Variants in TMPRSS9 observed in about 807,000 individuals in gnomAD.
TMPRSS9 encodes the protein transmembrane serine protease 9.
TMPRSS9 carries 113 observed loss-of-function variants against 111.4 expected under a neutral mutation model. That is an observed-to-expected ratio of 1.01 (90% confidence interval 0.87 to 1.19). TMPRSS9 has a LOEUF of 1.19. Ranked by LOEUF, TMPRSS9 falls within the 50% of genes most tolerant of loss-of-function variation. The pLI is 0.00. For synonymous variants in TMPRSS9, 805 were observed against 659.1 expected, an observed-to-expected ratio of 1.22 and a Z score of -3.39; for missense variants, 1,803 against 1,513.1, an observed-to-expected ratio of 1.19 and a Z score of -3.18.
intron 2 of TMPRSS9, among the ~76,000 whole-genome samples, chr19:2,398,394 G>A (rs763892143): frequency 5.1e-4 from 77 of 151,828 alleles, no homozygotes; most frequent in South Asian, 1.5e-3. Flanking sequence ...CAAGGCAGGT[G>A]GATCACAAGG....
intron 7 of TMPRSS9, 135 bp from the exon 9 acceptor site, chr19:2,408,221 T>G: frequency 4.4e-6 from 4 of 915,694 alleles, no homozygotes; most frequent in South Asian, 3.5e-5. Context: ...TCTGGCCTGA[T>G]TTTTATAAAT....
chr19:2,390,126 A>G (rs1056595313), intron 1 of TMPRSS9, among the ~76,000 whole-genome samples, 199 bp downstream of exon 2: 1 of 152,122 alleles, frequency 6.6e-6, no homozygotes, highest in African/African-American at 2.4e-5. Flanking sequence ...TTTCCCGACT[A>G]AAGAAGCTCC....
chr19:2,369,934 G>A (rs542334306), intron 1 of TMPRSS9, among the ~76,000 whole-genome samples: 3 of 152,180 alleles, frequency 2.0e-5, no homozygotes, highest in East Asian at 1.9e-4. Flanking sequence ...ATGCCCAAAT[G>A]CAGTGGCTCA....
intron 2 of TMPRSS9, among the ~76,000 whole-genome samples, chr19:2,397,759 A>G (rs1399461527): frequency 6.6e-6 from 1 of 151,624 alleles, no homozygotes; most frequent in Non-Finnish European, 1.5e-5. Context: ...ACCATTAGTA[A>G]AAACACAAAA....
At chr19:2,394,345 C>T (rs956810488) in intron 1 of TMPRSS9, among the ~76,000 whole-genome samples, 2 of 151,996 alleles carry the variant, frequency 1.3e-5, no homozygotes, top group African/African-American at 2.4e-5. Flanking sequence ...AGTGATTGTG[C>T]CACTGCACTG....
At chr19:2,414,077 A>C in intron 10 of TMPRSS9, 59 bp downstream of exon 11, 1 of 1,441,464 alleles carries the variant, frequency 6.9e-7, no homozygotes, top group Non-Finnish European at 9.2e-7. Flanking sequence ...TTTAGGGAGA[A>C]CGGATATCGT....
intron 5 of TMPRSS9, among the ~76,000 whole-genome samples, chr19:2,402,383 G>A (rs972783813): frequency 3.3e-5 from 5 of 151,992 alleles, no homozygotes; most frequent in East Asian, 1.9e-4. Flanking sequence ...CAGAGGCTGC[G>A]GTGAGCTGAG....
chr19:2,409,368 T>C (rs960866155), intron 8 of TMPRSS9, among the ~76,000 whole-genome samples: 2 of 151,986 alleles, frequency 1.3e-5, no homozygotes, highest in Non-Finnish European at 2.9e-5. Flanking sequence ...GGTCTTGATC[T>C]CCTGACCTCG....
chr19:2,408,250 T>C (rs1200438873), intron 7 of TMPRSS9, 106 bp from the exon 9 acceptor site: 8 of 1,079,860 alleles, frequency 7.4e-6, no homozygotes, highest in East Asian at 2.5e-5. Flanking sequence ...TAAATATTAA[T>C]GTGGGGGGAT....
At chr19:2,392,643 T>C (rs1258328469) in intron 1 of TMPRSS9, among the ~76,000 whole-genome samples, 1 of 152,214 alleles carries the variant, frequency 6.6e-6, no homozygotes, top group Non-Finnish European at 1.5e-5. Context: ...GGATTGTATA[T>C]GCACCAGTGA....
At chr19:2,401,009 TTA>T (rs1970828661) in intron 4 of TMPRSS9, among the ~76,000 whole-genome samples, 1 of 147,696 alleles carries the variant, frequency 6.8e-6, no homozygotes, top group Non-Finnish European at 1.5e-5. Flanking sequence ...GCGCGGTGGC[TTA>T]CGCCTGTAAT....
At chr19:2,415,947 G>C (rs1971221855) in intron 11 of TMPRSS9, 106 bp downstream of exon 12, 1 of 1,330,432 alleles carries the variant, frequency 7.5e-7, no homozygotes, top group Admixed American at 2.8e-5. Context: ...CCACTGGGGA[G>C]CAGCCCTTCC....
upstream of TMPRSS9, among the ~76,000 whole-genome samples, chr19:2,387,230 C>T (rs7251760): frequency 0.066 from 10,103 of 152,064 alleles, 543 homozygotes; most frequent in East Asian, 0.28. Flanking sequence ...TGAGGTGGCT[C>T]ATGCCTGTAA....
At chr19:2,424,942 AGGGGCGGGGGCCGGGGGCGTG>A in intron 15 of TMPRSS9, 39 bp from the exon 17 acceptor site, 1 of 1,388,070 alleles carries the variant, frequency 7.2e-7, no homozygotes, top group Non-Finnish European at 9.3e-7. Context: ...GGGACACCAC[AGGGGCGGGGGCCGGGGGCGTG>A]GGGGCTCGGG....
chr19:2,405,556 A>G lies in TMPRSS9; in HGVS notation c.842+11A>G. On this transcript the variant is annotated intron_variant, in intron 7 of 17. Transcript: ENST00000648592. ...TCACTGCTTCAATGAGTAAGCCCCC[A>G]TCCCAAAGCACCAAACCCGAACCCT... The G allele has an allele frequency of 1.3e-6, 2 of 1,535,446 alleles. No homozygotes were observed. Among genetic ancestry groups the G allele is most frequent in the Non-Finnish European group, 1.7e-6 (2 of 1,143,150 alleles).
chr19:2,412,115 T>C (rs1971108340), intron 9 of TMPRSS9, among the ~76,000 whole-genome samples: 1 of 152,108 alleles, frequency 6.6e-6, no homozygotes, highest in Non-Finnish European at 1.5e-5. Flanking sequence ...AATGAAAAGC[T>C]GGGTGCAGTG....
chr19:2,410,387 C>T, exon 9 of TMPRSS9: 1 of 1,613,896 alleles, frequency 6.2e-7, no homozygotes, highest in South Asian at 1.1e-5. Flanking sequence ...AAGGTGGACT[C>T]CTGCCAGGTG....
At chr19:2,417,586 C>T (rs11879579) in intron 12 of TMPRSS9, among the ~76,000 whole-genome samples, 129 of 151,656 alleles carry the variant, frequency 8.5e-4, no homozygotes, top group African/African-American at 2.9e-3. Context: ...AGTTCAAGGC[C>T]GCAGTGAGCC....
chr19:2,364,388 C>T (rs1970231408), intron 1 of TMPRSS9, among the ~76,000 whole-genome samples: 1 of 151,992 alleles, frequency 6.6e-6, no homozygotes, highest in African/African-American at 2.4e-5. Flanking sequence ...CTGGGTGATC[C>T]ACTCATAACT....
Sources: gnomAD v4.1 joint callset for allele counts (sites outside exome capture counted in the v4.1 genomes callset) on GRCh38, gnomAD v4.1.1 for gene constraint, MANE v1.5 for transcripts, NCBI Gene and HGNC (gene_info 2026-07-23, HGNC 2026-07-21) for gene names.